ANKRD28: variants seen among roughly 807,000 people sequenced by gnomAD.
The protein encoded by ANKRD28 is serine/threonine-protein phosphatase 6 regulatory ankyrin repeat subunit A.
In ANKRD28, 44 loss-of-function variants were observed where a neutral mutation model predicts 126.5. The observed-to-expected ratio is 0.35, with a 90% CI of 0.27 to 0.45. The LOEUF (loss-of-function observed/expected upper bound fraction) is 0.45, where lower values mean the gene tolerates loss of function less well. Among genes scored for constraint, ANKRD28 ranks in the 20% least tolerant of loss-of-function variants. The probability of loss-of-function intolerance (pLI) is 1.00; values close to 1 mark genes in which losing one functional copy is unlikely to be tolerated. For missense variants in ANKRD28, 1,110 were observed against 1,316.6 expected (o/e 0.84, Z 2.43); for synonymous variants, 442 against 468.5 (o/e 0.94, Z 0.73).
intron 14 of ANKRD28, chr3:15,697,203 C>T (rs954859565): frequency 1.3e-5 from 2 of 152,180 alleles, no homozygotes; most frequent in Non-Finnish European, 2.9e-5. Context: ...AAACGAATAT[C>T]GTATGTTCTC....
Position 15,839,452 on chromosome 3 carries a change from G to A in ANKRD28, c.27+19925C>T, listed in dbSNP as rs1205357566. Among the ~76,000 whole-genome samples the A allele has an allele frequency of 6.6e-6, 1 of 152,054 alleles. No individual in the cohort carries two copies. The highest frequency in any genetic ancestry group is 6.6e-5 in the Admixed American group (1 of 15,262). On this transcript the variant is annotated intron_variant, in intron 1 of 27. Coordinates refer to the ANKRD28 transcript ENST00000399451. The surrounding 1 kb of genome is among the most constrained non-coding windows in gnomAD (Gnocchi z 4.3). ...TTCTGACATGTTGATTCAGCACACA[G>A]GAACACCAAACCAATGAAAACTATA...
chr3:15,707,820 A>T, intron 14 of ANKRD28, 104 bp downstream of exon 14: 1 of 1,388,434 alleles, frequency 7.2e-7, no homozygotes, highest in Non-Finnish European at 9.7e-7. Context: ...GATAATCAAC[A>T]AAAAATACAA....
chr3:15,757,005 G>C (rs2058196791), intron 3 of ANKRD28, among the ~76,000 whole-genome samples: 2 of 152,064 alleles, frequency 1.3e-5, no homozygotes, highest in South Asian at 4.1e-4. Context: ...TTCCATCTCT[G>C]CAACCCCAGA....
rs2060800281 is a variant in ANKRD28, at chr3:15,814,855, ACT to A, written c.28-19551_28-19550del. Among the ~76,000 whole-genome samples, 2 of 150,504 alleles carry A rather than the reference ACT, an allele frequency of 1.3e-5. No individual in the cohort carries two copies. Among genetic ancestry groups the A allele is most frequent in the African/African-American group, 4.9e-5 (2 of 41,132 alleles). ...ATCACTGCAATATCTCTCAAAGAAA[ACT>A]CTGGTAATTTTATACATATATTATA... On this transcript the variant is annotated intron_variant, in intron 1 of 27. Transcript: ENST00000399451. This position sits in a 1 kb window ranked among gnomAD's most constrained non-coding sequence, Gnocchi z 4.7.
In ANKRD28 at chr3:15,721,055, T is replaced by G; in HGVS notation, c.856A>C (p.Asn286His). Reference sequence around the variant, plus strand: ...ATAGCACCACAGTCTATAAGTTCATTCACTACAACATCTTGTCCATTATAG... The same window carrying G: ...ATAGCACCACAGTCTATAAGTTCATGCACTACAACATCTTGTCCATTATAG... The part of the protein sequence containing the change: ...ACYNGQDVVV[N>H]ELIDCGAIVN... Residue 286 changes from asparagine (N) to histidine (H), a missense_variant, in exon 8 of 28, where the codon AAT (asparagine) becomes CAT (histidine). Coordinates refer to ENST00000683139, the MANE Select transcript of ANKRD28 (RefSeq NM_001349278.2). The G allele has an allele frequency of 6.2e-7, 1 of 1,613,922 alleles. No individual in the cohort carries two copies. Among genetic ancestry groups the G allele is most frequent in the Non-Finnish European group, 8.5e-7 (1 of 1,179,830 alleles).
At chr3:15,751,899 TA>T in intron 3 of ANKRD28, 79 bp from the exon 4 acceptor site, 1 of 951,462 alleles carries the variant, frequency 1.1e-6, no homozygotes, top group Non-Finnish European at 1.6e-6. Flanking sequence ...AGTAGTTATA[TA>T]TAATCCAAAT....
chr3:15,737,556 C>A (rs1442562229), intron 4 of ANKRD28, among the ~76,000 whole-genome samples: 1 of 152,146 alleles, frequency 6.6e-6, no homozygotes, highest in South Asian at 2.1e-4. Flanking sequence ...CTTCAAATTC[C>A]TTGGCTTAAG....
upstream of ANKRD28, among the ~76,000 whole-genome samples, chr3:15,799,358 A>T (rs2060409678): frequency 6.6e-6 from 1 of 152,040 alleles, no homozygotes; most frequent in African/African-American, 2.4e-5. Flanking sequence ...CAAATATAAG[A>T]ATGTCAGAAT....
intron 2 of ANKRD28, among the ~76,000 whole-genome samples, chr3:15,794,390 C>T (rs966685068): frequency 6.6e-6 from 1 of 151,692 alleles, no homozygotes; most frequent in African/African-American, 2.4e-5. Flanking sequence ...TTTCTTAAAA[C>T]CACAATCATT....
intron 1 of ANKRD28, among the ~76,000 whole-genome samples, chr3:15,804,458 ATGG>A (rs2060534460): frequency 6.9e-6 from 1 of 145,782 alleles, no homozygotes; most frequent in Non-Finnish European, 1.5e-5. Context: ...AAAGAAATCA[ATGG>A]TCTGCTAGTT....
intron 21 of ANKRD28, 89 bp from the exon 22 acceptor site, chr3:15,679,652 T>C: frequency 2.0e-6 from 2 of 990,822 alleles, no homozygotes; most frequent in Non-Finnish European, 1.5e-6. Flanking sequence ...AGGAAAAATG[T>C]AAAAGTCTCT....
At chr3:15,787,817 T>G (rs1298135860) in intron 2 of ANKRD28, among the ~76,000 whole-genome samples, 1 of 152,198 alleles carries the variant, frequency 6.6e-6, no homozygotes, top group Admixed American at 6.5e-5. Context: ...GCACTTCATG[T>G]GAAAAATGTA....
chr3:15,743,133 A>T (rs1198187215), intron 4 of ANKRD28, among the ~76,000 whole-genome samples: 7 of 152,104 alleles, frequency 4.6e-5, no homozygotes, highest in African/African-American at 1.4e-4. Flanking sequence ...AAATGGATTA[A>T]GGGTGGTGCA....
chr3:15,834,534 C>T (rs890126168), intron 1 of ANKRD28, among the ~76,000 whole-genome samples: 1 of 151,862 alleles, frequency 6.6e-6, no homozygotes, highest in East Asian at 1.9e-4. Flanking sequence ...ATTTTATTAA[C>T]AAGAATAAAA....
chr3:15,679,132 G>T (rs542299570), intron 23 of ANKRD28, among the ~76,000 whole-genome samples, 169 bp downstream of exon 23: 2 of 150,832 alleles, frequency 1.3e-5, no homozygotes, highest in East Asian at 3.9e-4. Flanking sequence ...GCATCATCAT[G>T]CACTTTTTTT....
At position 15,797,888 on chromosome 3, in the gene ANKRD28, T is replaced by C. The variant is rs1267892066; in HGVS notation, c.-1367A>G. On this transcript the variant is annotated 5_prime_UTR_variant, in exon 1 of 28. It removes an upstream start codon present in the reference 5' UTR. Coordinates refer to ENST00000683139, the MANE Select transcript of ANKRD28 (RefSeq NM_001349278.2). ...CCTCAGTATCAGTCCCACAGAAGCA[T>C]TCCAACGGAGCAACAGTCTGAAGAG... 12 of 985,282 alleles carry C rather than the reference T, an allele frequency of 1.2e-5. No homozygotes were observed. Among genetic ancestry groups the C allele is most frequent in the Non-Finnish European group, 1.4e-5 (12 of 829,950 alleles). The allele number at this position is 985,282 out of a possible 1,614,324, so 61.0% of individuals were successfully genotyped here. A position where few individuals can be genotyped will look rare whatever the true frequency, so the allele number is the denominator to read the frequency against.
Position 15,750,046 on chromosome 3 carries a change from G to A in ANKRD28, c.351+1704C>T, listed in dbSNP as rs75189418. 0.022 allele frequency among the ~76,000 whole-genome samples: 3,388 copies of A among 152,310 alleles called. 220 individuals carry two copies. In the East Asian group the frequency reaches 0.23, roughly 10 times the overall value. ...TACAACTTGCCCTTAAATTCAGGCT[G>A]AGCACATAGTTTTTAAAAATTAGGA... On this transcript the variant is annotated intron_variant, in intron 4 of 27. Coordinates refer to ENST00000683139, the MANE Select transcript of ANKRD28 (RefSeq NM_001349278.2).
intron 2 of ANKRD28, among the ~76,000 whole-genome samples, chr3:15,783,995 T>C (rs140351274): frequency 1.6e-4 from 25 of 151,668 alleles, no homozygotes; most frequent in African/African-American, 5.8e-4. Flanking sequence ...TCAGGAGCCA[T>C]GAAAGCAAGA....
chr3:15,857,627 T>C (rs1035544727), intron 1 of ANKRD28, among the ~76,000 whole-genome samples: 1 of 152,232 alleles, frequency 6.6e-6, no homozygotes, highest in African/African-American at 2.4e-5. Flanking sequence ...TGAAGATTAA[T>C]GGATATACAT....
Sources: gnomAD v4.1 joint callset for allele counts (sites outside exome capture counted in the v4.1 genomes callset) on GRCh38, gnomAD v4.1.1 for gene constraint, Gnocchi (gnomAD v3.1) non-coding constraint, MANE v1.5 for transcripts, NCBI Gene and HGNC (gene_info 2026-07-23, HGNC 2026-07-21) for gene names.